Variants in PRH1 observed in about 807,000 individuals in gnomAD.
The protein encoded by PRH1 is salivary acidic proline-rich phosphoprotein 1/2.
In PRH1, 7 loss-of-function variants were observed where a neutral mutation model predicts 7.9. The observed-to-expected ratio is 0.89, with a 90% CI of 0.50 to 1.67. The LOEUF is 1.67. Among genes scored for constraint, PRH1 ranks in the 40% most tolerant of loss-of-function variants. The pLI, the probability that PRH1 is intolerant of heterozygous loss-of-function variation, is 0.00. For missense variants in PRH1, 109 were observed against 223.6 expected (o/e 0.49, Z 3.27); for synonymous variants, 45 against 80.8 (o/e 0.56, Z 2.38).
intron 1 of PRH1, among the ~76,000 whole-genome samples, chr12:11,140,041 T>C (rs920276370): frequency 6.6e-6 from 1 of 151,996 alleles, no homozygotes; most frequent in Non-Finnish European, 1.5e-5. Flanking sequence ...AGTTATTTCA[T>C]ATACATTTAT....
At chr12:11,113,998 G>C (rs1205724178) in intron 1 of PRH1, among the ~76,000 whole-genome samples, 1 of 151,910 alleles carries the variant, frequency 6.6e-6, no homozygotes, top group Non-Finnish European at 1.5e-5. Flanking sequence ...TAAAAAGTCA[G>C]GAAACAACAG....
intron 2 of PRH1, among the ~76,000 whole-genome samples, chr12:10,893,069 G>A (rs1350024086): frequency 6.6e-6 from 1 of 152,124 alleles, no homozygotes; most frequent in African/African-American, 2.4e-5. Context: ...TGGAATTTGT[G>A]CTTTTCATTA....
chr12:10,883,589 C>T (rs1163047640), intron 1 of PRH1, among the ~76,000 whole-genome samples: 1 of 152,204 alleles, frequency 6.6e-6, no homozygotes, highest in Non-Finnish European at 1.5e-5. Context: ...ACAGGAGCCA[C>T]CAGACATAGC....
At chr12:10,902,704 G>A (rs188002014) in intron 2 of PRH1, among the ~76,000 whole-genome samples, 11 of 152,258 alleles carry the variant, frequency 7.2e-5, no homozygotes, top group Admixed American at 6.5e-4. Context: ...GGAGAGATTG[G>A]AGGCCTACTT....
At chr12:11,030,778 C>A (rs78944713) in intron 1 of PRH1, 35 of 1,577,188 alleles carry the variant, frequency 2.2e-5, no homozygotes, top group Admixed American at 1.3e-4. Flanking sequence ...GAGTGAAGGG[C>A]ACTAAGTTTC....
At chr12:11,149,620 A>G (rs1364398777) in intron 1 of PRH1, among the ~76,000 whole-genome samples, 1 of 146,182 alleles carries the variant, frequency 6.8e-6, no homozygotes, top group Non-Finnish European at 1.5e-5. Context: ...AGCCATATGT[A>G]GAAAGCTGAA....
intron 1 of PRH1, among the ~76,000 whole-genome samples, chr12:11,062,962 C>A (rs938970864): frequency 1.3e-5 from 2 of 151,994 alleles, no homozygotes; most frequent in African/African-American, 4.8e-5. Context: ...CATGTGCACA[C>A]CACTCACGAA....
chr12:10,967,242 T>C (rs909137357), intron 2 of PRH1, among the ~76,000 whole-genome samples: 16 of 152,168 alleles, frequency 1.1e-4, no homozygotes, highest in African/African-American at 2.9e-4. Context: ...CTTAGAGTTG[T>C]ATGTAAAGAT....
upstream of PRH1, among the ~76,000 whole-genome samples, chr12:11,049,920 A>G (rs747858632): frequency 1.4e-4 from 21 of 152,186 alleles, no homozygotes; most frequent in Non-Finnish European, 2.5e-4. Context: ...ACACACATGC[A>G]CTGACACACT....
At chr12:10,930,661 G>C in intron 2 of PRH1, 1 of 1,613,844 alleles carries the variant, frequency 6.2e-7, no homozygotes, top group South Asian at 1.1e-5. Context: ...AACTCACACA[G>C]ATGGAGGAGA....
chr12:11,152,298 T>A (rs1318089623), intron 1 of PRH1, among the ~76,000 whole-genome samples: 1 of 129,908 alleles, frequency 7.7e-6, no homozygotes, highest in East Asian at 2.2e-4. Context: ...AAATATAACC[T>A]ACAACTCTTT....
At chr12:11,105,940 T>C (rs1268613176) in intron 1 of PRH1, among the ~76,000 whole-genome samples, 1 of 43,500 alleles carries the variant, frequency 2.3e-5, no homozygotes, top group Non-Finnish European at 7.0e-5. Context: ...CTTATTCTTT[T>C]TTTTTTTTTT....
intron 1 of PRH1, among the ~76,000 whole-genome samples, chr12:11,060,513 C>T (rs187672429): frequency 1.3e-5 from 2 of 152,016 alleles, no homozygotes; most frequent in South Asian, 2.1e-4. Flanking sequence ...AAATAGTTTA[C>T]ATCACCTCTC....
chr12:10,926,301 G>A (rs1045492222), intron 2 of PRH1, among the ~76,000 whole-genome samples: 1 of 152,200 alleles, frequency 6.6e-6, no homozygotes, highest in Non-Finnish European at 1.5e-5. Context: ...TCTCGGAGAA[G>A]TTTATCCCCT....
intron 1 of PRH1, among the ~76,000 whole-genome samples, chr12:11,124,203 T>G (rs1294628014): frequency 6.6e-6 from 1 of 152,398 alleles, no homozygotes; most frequent in East Asian, 1.9e-4. Context: ...TTTCAAAATA[T>G]CATTGCAATA....
chr12:10,995,646 G>C (rs181049843), intron 1 of PRH1, among the ~76,000 whole-genome samples: 22 of 152,184 alleles, frequency 1.4e-4, no homozygotes, highest in Admixed American at 5.2e-4. Flanking sequence ...GAAAATTTGA[G>C]CTTTTTGAGG....
intron 3 of PRH1, 123 bp from the exon 4 acceptor site, chr12:10,881,179 C>T (rs935512206): frequency 1.0e-4 from 16 of 154,020 alleles, no homozygotes; most frequent in Admixed American, 1.9e-4. Flanking sequence ...GCCCTCTATC[C>T]CTTCTACAGC....
chr12:10,902,453 A>T (rs936749607), intron 2 of PRH1, among the ~76,000 whole-genome samples: 1 of 152,174 alleles, frequency 6.6e-6, no homozygotes, highest in Non-Finnish European at 1.5e-5. Flanking sequence ...TATTTGAGGA[A>T]ATAATTTAAG....
intron 1 of PRH1, among the ~76,000 whole-genome samples, chr12:11,147,401 T>C (rs1946896994): frequency 6.6e-6 from 1 of 152,176 alleles, no homozygotes; most frequent in Non-Finnish European, 1.5e-5. Flanking sequence ...TTTCCCAGGC[T>C]GGTCTCGAGC....
Sources: gnomAD v4.1 joint callset for allele counts (sites outside exome capture counted in the v4.1 genomes callset) on GRCh38, gnomAD v4.1.1 for gene constraint, MANE v1.5 for transcripts, NCBI Gene and HGNC (gene_info 2026-07-23, HGNC 2026-07-21) for gene names.